Variants in CCSER2 observed in about 807,000 individuals in gnomAD.
The protein encoded by CCSER2 is coiled-coil serine rich protein 2.
In CCSER2, 46 loss-of-function variants were observed where a neutral mutation model predicts 92.3. The ratio of observed to expected loss-of-function variants is 0.50; its 90% CI spans 0.39 to 0.64. The LOEUF (loss-of-function observed/expected upper bound fraction) is 0.64, where lower values mean the gene tolerates loss of function less well. Among genes scored for constraint, CCSER2 ranks in the 30% least tolerant of loss-of-function variants. The pLI is 0.00. For synonymous variants in CCSER2, 433 were observed against 431.4 expected (o/e 1.00, Z -0.04); for missense variants, 1,244 against 1,238.9 (o/e 1.00, Z -0.06).
chr10:84,459,302 G>A (rs555795933), intron 6 of CCSER2, among the ~76,000 whole-genome samples: 1 of 152,072 alleles, frequency 6.6e-6, no homozygotes, highest in Admixed American at 6.6e-5. Context: ...ATACTTAAGG[G>A]ACTTTCTACA....
chr10:84,433,736 G>A (rs974374403), intron 5 of CCSER2, among the ~76,000 whole-genome samples: 6 of 152,046 alleles, frequency 3.9e-5, no homozygotes, highest in Non-Finnish European at 5.9e-5. Context: ...GGGTAAAGAC[G>A]GTTATCTCTT....
At chr10:84,508,465 C>G (rs1849181385) in intron 9 of CCSER2, among the ~76,000 whole-genome samples, 1 of 152,144 alleles carries the variant, frequency 6.6e-6, no homozygotes, top group African/African-American at 2.4e-5. Context: ...ATTATTTTTA[C>G]CCAATATCTC....
intron 9 of CCSER2, among the ~76,000 whole-genome samples, chr10:84,509,691 C>G (rs1190264584): frequency 6.6e-6 from 1 of 152,128 alleles, no homozygotes; most frequent in Admixed American, 6.6e-5. Flanking sequence ...CTTCAGTAAC[C>G]AAGCCCTCCA....
At position 84,515,689 on chromosome 10, in the gene CCSER2, C is replaced by G. The variant is rs1446772967; in HGVS notation, c.*1422C>G. 6.6e-6 allele frequency: 1 copy of G among 152,104 alleles called. No homozygotes were observed. Among genetic ancestry groups the G allele is most frequent in the East Asian group, 1.9e-4 (1 of 5,194 alleles). 9.4% of individuals were successfully genotyped at this position (152,104 alleles called of 1,614,324 possible). On this transcript the variant is annotated 3_prime_UTR_variant, in exon 10 of 10. Transcript: ENST00000372088. ...GAACTCCTGACCTCAAGTGATCCAC[C>G]CACCTCGTCTATGGTGTATTTTTGA...
chr10:84,510,625 T>C (rs992891263), intron 9 of CCSER2, among the ~76,000 whole-genome samples: 57 of 152,260 alleles, frequency 3.7e-4, no homozygotes, highest in African/African-American at 1.3e-3. Context: ...TTAATGACCA[T>C]AGAAGCAGCA....
intron 3 of CCSER2, among the ~76,000 whole-genome samples, chr10:84,409,986 G>T (rs1016346380): frequency 7.2e-5 from 11 of 151,954 alleles, no homozygotes; most frequent in Admixed American, 7.2e-4. Flanking sequence ...CCATCATTCA[G>T]CTCCCACATG....
chr10:84,501,838 T>TATATATATATATATACTC (rs1848759226), intron 9 of CCSER2, among the ~76,000 whole-genome samples: 1 of 62,436 alleles, frequency 1.6e-5, no homozygotes, highest in African/African-American at 4.5e-5. Context: ...AAAAAAAATA[T>TATATATATATATATACTC]ATATATATAT....
chr10:84,341,301 T>C (rs974034571), intron 1 of CCSER2, among the ~76,000 whole-genome samples: 1 of 150,864 alleles, frequency 6.6e-6, no homozygotes, highest in Non-Finnish European at 1.5e-5. Context: ...CCCAAAGTGT[T>C]AGAATTACAG....
chr10:84,509,518 A>G (rs1048913783), intron 9 of CCSER2, among the ~76,000 whole-genome samples: 3 of 152,158 alleles, frequency 2.0e-5, no homozygotes, highest in East Asian at 1.9e-4. Context: ...TGTAGTGCCT[A>G]TTGCTGACAT....
At chr10:84,358,988 G>C (rs1182424463) in intron 1 of CCSER2, among the ~76,000 whole-genome samples, 1 of 152,064 alleles carries the variant, frequency 6.6e-6, no homozygotes, top group African/African-American at 2.4e-5. Context: ...GTGAACCTAG[G>C]CATTTACTGT....
At chr10:84,440,783 GATTGATAT>G (rs1462138156) in intron 6 of CCSER2, among the ~76,000 whole-genome samples, 8 of 152,178 alleles carry the variant, frequency 5.3e-5, no homozygotes, top group Non-Finnish European at 1.0e-4. Context: ...TCTCACATTT[GATTGATAT>G]TAATAAGTTT....
At chr10:84,486,070 A>G (rs1437131873) in intron 9 of CCSER2, among the ~76,000 whole-genome samples, 3 of 152,200 alleles carry the variant, frequency 2.0e-5, no homozygotes, top group Non-Finnish European at 4.4e-5. Context: ...AAAGGACATG[A>G]ACTCATCCTT....
chr10:84,363,293 C>T (rs1340518151), intron 1 of CCSER2, among the ~76,000 whole-genome samples: 1 of 151,958 alleles, frequency 6.6e-6, no homozygotes, highest in African/African-American at 2.4e-5. Flanking sequence ...CACGCCTGGC[C>T]ACTTATTTAA....
intron 1 of CCSER2, among the ~76,000 whole-genome samples, chr10:84,346,356 A>T (rs958452177): frequency 6.6e-6 from 1 of 151,952 alleles, no homozygotes; most frequent in African/African-American, 2.4e-5. Flanking sequence ...GAGCCACCGC[A>T]CCCAGCCATG....
chr10:84,455,677 G>A (rs1845574944), intron 6 of CCSER2: 2 of 722,764 alleles, frequency 2.8e-6, no homozygotes, highest in South Asian at 2.7e-5. Flanking sequence ...TCACAGTCAT[G>A]GAGTAACTCC....
At chr10:84,417,683 G>T in intron 3 of CCSER2, 88 bp from the exon 4 acceptor site, 1 of 672,462 alleles carries the variant, frequency 1.5e-6, no homozygotes. Flanking sequence ...GTGAATTCAG[G>T]ATATCATATA....
intron 6 of CCSER2, among the ~76,000 whole-genome samples, chr10:84,446,989 TTGTC>T (rs756892696): frequency 3.5e-4 from 53 of 152,280 alleles, no homozygotes; most frequent in South Asian, 1.2e-3. Context: ...CATAATATCT[TTGTC>T]TGTTTTACTC....
At chr10:84,440,335 T>C (rs1321343774) in intron 6 of CCSER2, among the ~76,000 whole-genome samples, 1 of 152,198 alleles carries the variant, frequency 6.6e-6, no homozygotes, top group Non-Finnish European at 1.5e-5. Flanking sequence ...TTGTAGGTCA[T>C]CTTTAAAGTT....
chr10:84,491,867 C>T (rs111522118), intron 9 of CCSER2, among the ~76,000 whole-genome samples: 6 of 152,264 alleles, frequency 3.9e-5, no homozygotes, highest in African/African-American at 9.6e-5. Flanking sequence ...TGTTCCTATT[C>T]GGCCATCTTC....
Sources: allele counts gnomAD v4.1 joint callset (sites outside exome capture counted in the v4.1 genomes callset), GRCh38; gene constraint gnomAD v4.1.1; transcripts MANE v1.5; gene names NCBI Gene and HGNC (gene_info 2026-07-23, HGNC 2026-07-21).